TMEM164: variants seen among roughly 807,000 people sequenced by gnomAD.
TMEM164 encodes RP13-360B22.2.
In TMEM164, 4 loss-of-function variants were observed where a neutral mutation model predicts 18.8. The observed-to-expected ratio is 0.21, with a 90% CI of 0.10 to 0.49. TMEM164 has a LOEUF of 0.49. Among genes scored for constraint, TMEM164 ranks in the 20% least tolerant of loss-of-function variants. TMEM164 has a pLI of 0.98. For synonymous variants in TMEM164, 86 were observed against 101.7 expected (o/e 0.85, Z 0.93); for missense variants, 108 against 239.9 (o/e 0.45, Z 3.63).
At chrX:110,131,986 G>A (rs1425102663) in intron 4 of TMEM164, among the ~76,000 whole-genome samples, 2 of 111,443 alleles carry the variant, frequency 1.8e-5, no homozygotes, top group African/African-American at 3.3e-5. Flanking sequence ...AAGTCCTTCC[G>A]TTTTCATAGT....
intron 2 of TMEM164, among the ~76,000 whole-genome samples, chrX:110,063,208 C>T (rs959045077): frequency 8.9e-6 from 1 of 111,883 alleles, no homozygotes; most frequent in Non-Finnish European, 1.9e-5. Context: ...ATTTAGTTTG[C>T]CCATATCCCT....
chrX:110,035,766 A>G (rs1934765022), intron 2 of TMEM164, among the ~76,000 whole-genome samples: 3 of 108,955 alleles, frequency 2.8e-5, no homozygotes, highest in Non-Finnish European at 3.8e-5. Context: ...CGGCCTCCCA[A>G]TGTGCTCCTA....
At chrX:110,053,915 G>C (rs1935692406) in intron 2 of TMEM164, among the ~76,000 whole-genome samples, 3 of 112,106 alleles carry the variant, frequency 2.7e-5, no homozygotes, top group South Asian at 3.7e-4. Flanking sequence ...GCTCTGGACA[G>C]GGAGCAGAGG....
At chrX:110,110,623 A>G (rs1444601733) in intron 4 of TMEM164, among the ~76,000 whole-genome samples, 1 of 112,176 alleles carries the variant, frequency 8.9e-6, no homozygotes, top group East Asian at 2.8e-4. Flanking sequence ...GTTCATAGCA[A>G]TCAACTGAAG....
intron 3 of TMEM164, among the ~76,000 whole-genome samples, chrX:110,107,948 C>G (rs945308349): frequency 5.4e-5 from 6 of 111,082 alleles, no homozygotes; most frequent in African/African-American, 2.0e-4. Flanking sequence ...GCATGAGCCA[C>G]CGCACCCAGC....
intron 5 of TMEM164, among the ~76,000 whole-genome samples, chrX:110,170,922 C>T (rs768554127): frequency 2.2e-4 from 25 of 111,705 alleles, no homozygotes; most frequent in African/African-American, 7.5e-4. Context: ...GGCCCGTAAG[C>T]GGTAGAGTCA....
chrX:110,011,886 G>T (rs1431577684), intron 2 of TMEM164, among the ~76,000 whole-genome samples: 2 of 111,999 alleles, frequency 1.8e-5, no homozygotes, highest in African/African-American at 6.5e-5. Context: ...GGAATTATTT[G>T]CTTATTATTA....
intron 3 of TMEM164, among the ~76,000 whole-genome samples, chrX:110,069,707 C>T (rs189013984): frequency 3.1e-3 from 344 of 109,637 alleles, no homozygotes; most frequent in African/African-American, 0.011. Context: ...ATGTGAGCCA[C>T]TGCGCCCAGC....
In TMEM164 at chrX:110,126,810, C is replaced by CTGTGTGTGTGTG. The variant is rs4035483; in HGVS notation, c.507+17707_507+17718dup. Among the ~76,000 whole-genome samples, 155 of 69,576 alleles carry CTGTGTGTGTGTG rather than the reference C, an allele frequency of 2.2e-3. 2 individuals carry two copies. Among genetic ancestry groups the CTGTGTGTGTGTG allele is most frequent in the African/African-American group, 8.2e-3 (142 of 17,291 alleles). The allele number at this position is 69,576 out of a possible 115,157, so 60.4% of individuals were successfully genotyped here. On this transcript the variant is annotated intron_variant, in intron 4 of 6. Coordinates refer to ENST00000372068, the MANE Select transcript of TMEM164 (RefSeq NM_032227.4). Reference sequence around the variant, plus strand: ...GGTTTATTTCCTGGCTGGGCCACTCCTGTGTGTGTGTGTGTGTGTGTGTGT... The same window carrying CTGTGTGTGTGTG: ...GGTTTATTTCCTGGCTGGGCCACTCCTGTGTGTGTGTGTGTGTGTGTGTGTGTGTGTGTGTGT...
At chrX:110,103,578 G>C (rs2066142957) in intron 3 of TMEM164, among the ~76,000 whole-genome samples, 1 of 109,945 alleles carries the variant, frequency 9.1e-6, no homozygotes, top group South Asian at 4.0e-4. Context: ...GCATATCAAA[G>C]GCATGTTTCT....
intron 6 of TMEM164, among the ~76,000 whole-genome samples, chrX:110,172,656 C>T (rs748287842): frequency 8.9e-6 from 1 of 111,801 alleles, no homozygotes. Context: ...GCTCAGGCAA[C>T]GCCTCCTACA....
chrX:110,029,780 C>T (rs1262564696), intron 2 of TMEM164, among the ~76,000 whole-genome samples: 1 of 110,891 alleles, frequency 9.0e-6, no homozygotes, highest in Non-Finnish European at 1.9e-5. Context: ...GGCAGCAGCT[C>T]CTGATTCTGA....
At chrX:110,063,114 C>T (rs1343337492) in intron 2 of TMEM164, among the ~76,000 whole-genome samples, 1 of 111,522 alleles carries the variant, frequency 9.0e-6, no homozygotes, top group African/African-American at 3.3e-5. Flanking sequence ...CCAGGAGGTG[C>T]TGACAGGAGA....
chrX:110,058,445 A>G (rs912186570), intron 2 of TMEM164, among the ~76,000 whole-genome samples: 14 of 108,465 alleles, frequency 1.3e-4, no homozygotes, highest in Non-Finnish European at 2.7e-4. Flanking sequence ...TTTTGATCAT[A>G]CATTGTTTTC....
At chrX:110,086,881 A>G (rs2065862731) in intron 3 of TMEM164, among the ~76,000 whole-genome samples, 1 of 110,889 alleles carries the variant, frequency 9.0e-6, no homozygotes, top group South Asian at 3.8e-4. Flanking sequence ...GAGGAATACC[A>G]TAATGGGGAT....
At chrX:110,136,423 A>G (rs1306454476) in intron 4 of TMEM164, among the ~76,000 whole-genome samples, 1 of 112,180 alleles carries the variant, frequency 8.9e-6, no homozygotes, top group Admixed American at 9.5e-5. Context: ...CAGGAACATT[A>G]TCAAGGGCAG....
chrX:110,100,534 TTG>T (rs781463394), intron 3 of TMEM164, among the ~76,000 whole-genome samples: 1 of 111,591 alleles, frequency 9.0e-6, no homozygotes, highest in South Asian at 3.8e-4. Context: ...TGAACTAACC[TTG>T]TGTTACCAGG....
At chrX:110,144,447 G>A (rs1037046020) in intron 4 of TMEM164, among the ~76,000 whole-genome samples, 1 of 111,693 alleles carries the variant, frequency 9.0e-6, no homozygotes, top group African/African-American at 3.3e-5. Flanking sequence ...ACAATGGCAT[G>A]TTTTTTGTCT....
At chrX:110,092,649 C>T (rs1037576265) in intron 3 of TMEM164, among the ~76,000 whole-genome samples, 5 of 111,953 alleles carry the variant, frequency 4.5e-5, no homozygotes, top group Non-Finnish European at 7.5e-5. Context: ...ATCATGTCAT[C>T]TGCAAACAGA....
Sources: allele counts gnomAD v4.1 joint callset (sites outside exome capture counted in the v4.1 genomes callset), GRCh38; gene constraint gnomAD v4.1.1; transcripts MANE v1.5; gene names NCBI Gene and HGNC (gene_info 2026-07-23, HGNC 2026-07-21).